Variants in DAAM2 observed in about 807,000 individuals in gnomAD.
The protein encoded by DAAM2 is disheveled-associated activator of morphogenesis 2.
Under a neutral mutation model 120.7 loss-of-function variants are expected in DAAM2, and 39 were observed. The ratio of observed to expected loss-of-function variants is 0.32; its 90% CI spans 0.25 to 0.42. The LOEUF is 0.42. DAAM2 is among the 10% of genes least tolerant of loss of function. The pLI is 1.00. For missense variants in DAAM2, 1,283 were observed against 1,401.7 expected (o/e 0.92, Z 1.35); for synonymous variants, 488 against 524.9 (o/e 0.93, Z 0.96).
chr6:39,797,844 C>T (rs1295897335), intron 1 of DAAM2, among the ~76,000 whole-genome samples: 1 of 152,186 alleles, frequency 6.6e-6, no homozygotes, highest in Non-Finnish European at 1.5e-5. Context: ...AAGGTAAGTG[C>T]TCAATAAACA....
chr6:39,839,091 T>G (rs76691833), intron 1 of DAAM2, among the ~76,000 whole-genome samples: 2 of 149,232 alleles, frequency 1.3e-5, no homozygotes, highest in African/African-American at 2.5e-5. Flanking sequence ...CTAGGCATTG[T>G]TTTTTTTTTG....
At chr6:39,865,514 A>G (rs1764392799) in intron 5 of DAAM2, among the ~76,000 whole-genome samples, 1 of 152,080 alleles carries the variant, frequency 6.6e-6, no homozygotes, top group African/African-American at 2.4e-5. Flanking sequence ...GTGTCTCTGG[A>G]TGGGATTTGC....
chr6:39,825,892 G>T (rs1398006813), intron 1 of DAAM2, among the ~76,000 whole-genome samples: 2 of 152,192 alleles, frequency 1.3e-5, no homozygotes, highest in African/African-American at 4.8e-5. Flanking sequence ...ACCCAGTCCT[G>T]CTCTATCATT....
intron 1 of DAAM2, among the ~76,000 whole-genome samples, chr6:39,808,530 A>G (rs966932385): frequency 1.3e-5 from 2 of 152,164 alleles, no homozygotes; most frequent in East Asian, 1.9e-4. Flanking sequence ...GAAAGTACCC[A>G]CCACTGGGAA....
intron 1 of DAAM2, among the ~76,000 whole-genome samples, chr6:39,802,887 C>G (rs1049581916): frequency 6.6e-6 from 1 of 152,168 alleles, no homozygotes; most frequent in East Asian, 1.9e-4. Flanking sequence ...TGGTTACTAC[C>G]CTTCCATGAT....
chr6:39,816,140 A>AT (rs1407069038), intron 1 of DAAM2, among the ~76,000 whole-genome samples: 1 of 152,126 alleles, frequency 6.6e-6, no homozygotes, highest in Non-Finnish European at 1.5e-5. Flanking sequence ...CACACGTTGT[A>AT]TTTTTTCTAG....
intron 22 of DAAM2, among the ~76,000 whole-genome samples, chr6:39,899,343 G>A (rs962993601): frequency 6.6e-6 from 1 of 152,198 alleles, no homozygotes; most frequent in Admixed American, 6.5e-5. Context: ...CTGGGCCAGT[G>A]GAGGACCCAG....
rs191578414 is a variant in DAAM2, at chr6:39,842,392, G to A, written c.-56-13855G>A. ...CATGCGTGTAATCCCAGCACTTTGG[G>A]AGGCCAAGGCAGGAAGATCTCTTGA... On this transcript the variant is annotated intron_variant, in intron 1 of 24. Coordinates refer to ENST00000274867, the MANE Select transcript of DAAM2 (RefSeq NM_001201427.2). Among the ~76,000 whole-genome samples, 17 of 152,316 alleles carry A rather than the reference G, an allele frequency of 1.1e-4. No individual in the cohort carries two copies. In the East Asian group the frequency reaches 3.1e-3, roughly 28 times the overall value.
intron 19 of DAAM2, among the ~76,000 whole-genome samples, chr6:39,894,011 A>G (rs1765914319): frequency 6.6e-6 from 1 of 152,148 alleles, no homozygotes; most frequent in Non-Finnish European, 1.5e-5. Flanking sequence ...ATATTCATGA[A>G]CTTACAATTC....
intron 1 of DAAM2, among the ~76,000 whole-genome samples, chr6:39,798,837 T>C (rs1031916628): frequency 6.6e-6 from 1 of 151,146 alleles, no homozygotes; most frequent in African/African-American, 2.4e-5. Context: ...TTTTCCTCCT[T>C]ATTCCCTTGA....
rs768285924 is a variant in DAAM2, at chr6:39,888,694, C to T, written c.2076C>T (p.Asn692=). 1.4e-5 allele frequency: 23 copies of T among 1,613,068 alleles called. No homozygotes were observed. Among genetic ancestry groups the T allele is most frequent in the African/African-American group, 6.7e-5 (5 of 74,876 alleles). The change falls in exon 17 of 25, where the codon AAC becomes AAT. Residue 692 remains asparagine, a synonymous_variant. Coordinates refer to ENST00000274867, the MANE Select transcript of DAAM2 (RefSeq NM_001201427.2). ...IILLSKLKLS[N]EEIRQAILKM... ...TTTGCCTTAGGTTGAAGCTTTCTAACGAGGAGATCCGGCAGGCCATCTTGA... is the reference window on the plus strand; with the variant it reads ...TTTGCCTTAGGTTGAAGCTTTCTAATGAGGAGATCCGGCAGGCCATCTTGA...
chr6:39,896,678 C>G (rs1766111022), intron 19 of DAAM2, 134 bp from the exon 20 acceptor site: 2 of 679,740 alleles, frequency 2.9e-6, no homozygotes, highest in Non-Finnish European at 4.5e-6. Flanking sequence ...TAGGTATAAT[C>G]TCTGCCTCAC....
At position 39,901,782 on chromosome 6, in the gene DAAM2, A is replaced by C; in HGVS notation, c.2983-31A>C. 8 of 1,498,102 alleles carry C rather than the reference A, an allele frequency of 5.3e-6. No homozygotes were observed. The highest frequency in any genetic ancestry group is 7.1e-6 in the Non-Finnish European group (8 of 1,127,188). 92.8% of individuals were successfully genotyped at this position (1,498,102 alleles called of 1,614,324 possible). ...CCTGGCCTCAGCGCCTCTCCCTGAG[A>C]GGGTTCCTATCTTTGGCCCCCCGCC... On this transcript the variant is annotated intron_variant, in intron 24 of 24. Coordinates refer to ENST00000274867, the MANE Select transcript of DAAM2 (RefSeq NM_001201427.2). This position sits in a 1 kb window ranked among gnomAD's most constrained non-coding sequence, Gnocchi z 4.5.
At chr6:39,869,792 ATCTTT>A (rs1562040651) in intron 7 of DAAM2, among the ~76,000 whole-genome samples, 1 of 74,298 alleles carries the variant, frequency 1.3e-5, no homozygotes, top group African/African-American at 4.8e-5. Flanking sequence ...AAAACAATTT[ATCTTT>A]ATGCCCTGGG....
chr6:39,883,060 G>T (rs1765201569), intron 14 of DAAM2, among the ~76,000 whole-genome samples: 1 of 152,176 alleles, frequency 6.6e-6, no homozygotes, highest in Non-Finnish European at 1.5e-5. Context: ...GAGATTCTAT[G>T]CTGAAGGACA....
rs775379327 is a variant in DAAM2 at position 39,856,313 on chromosome 6, G to A, written c.11G>A (p.Arg4His). The A allele has an allele frequency of 1.6e-5, 25 of 1,536,218 alleles. 1 individual carries two copies. In the Middle Eastern group the frequency reaches 1.7e-3, roughly 106 times the overall value. MAP[R>H]KRSHHGLGFL... ...TGGCCTGCAGTGACCATGGCCCCCC[G>A]CAAGAGGAGCCACCATGGCCTGGGC... The change falls in exon 2 of 25, where the codon CGC (arginine) becomes CAC (histidine). Residue 4 changes from arginine to histidine, a missense_variant. Arg to His is a conservative substitution (Grantham distance 29, BLOSUM62 0). Coordinates refer to ENST00000274867, the MANE Select transcript of DAAM2 (RefSeq NM_001201427.2).
At chr6:39,846,605 T>C (rs1763600069) in intron 1 of DAAM2, among the ~76,000 whole-genome samples, 1 of 152,106 alleles carries the variant, frequency 6.6e-6, no homozygotes, top group African/African-American at 2.4e-5. Context: ...GAGCAGAAGG[T>C]TTAGGGTGGA....
intron 1 of DAAM2, among the ~76,000 whole-genome samples, chr6:39,855,272 T>C (rs1016548931): frequency 2.0e-5 from 3 of 152,144 alleles, no homozygotes; most frequent in Non-Finnish European, 2.9e-5. Context: ...ATTGAATTGA[T>C]CTAGAGGCCA....
chr6:39,852,510 C>T (rs1282575143), intron 1 of DAAM2, among the ~76,000 whole-genome samples: 1 of 152,210 alleles, frequency 6.6e-6, no homozygotes, highest in Non-Finnish European at 1.5e-5. Flanking sequence ...CCCATCATTG[C>T]CTGGAGAAGC....
Sources: allele counts gnomAD v4.1 joint callset (sites outside exome capture counted in the v4.1 genomes callset), GRCh38; gene constraint gnomAD v4.1.1; non-coding constraint Gnocchi (gnomAD v3.1); transcripts MANE v1.5; gene names NCBI Gene and HGNC (gene_info 2026-07-23, HGNC 2026-07-21).